Variants in ZNF778 observed in about 807,000 individuals in gnomAD.
ZNF778 encodes zinc finger protein 778.
Under a neutral mutation model 23.9 loss-of-function variants are expected in ZNF778, and 37 were observed. The observed-to-expected ratio is 1.54, with a 90% CI of 1.19 to 2.03. The LOEUF is 2.03. Among genes scored for constraint, ZNF778 ranks in the 30% most tolerant of loss-of-function variants. ZNF778 has a pLI of 0.00. For synonymous variants in ZNF778, 483 were observed against 343.9 expected, an observed-to-expected ratio of 1.40 and a Z score of -4.48; for missense variants, 1,297 against 934.4, an observed-to-expected ratio of 1.39 and a Z score of -5.06.
At chr16:89,222,918 C>T (rs890753375) in intron 3 of ZNF778, among the ~76,000 whole-genome samples, 2 of 148,828 alleles carry the variant, frequency 1.3e-5, no homozygotes, top group South Asian at 4.3e-4. Context: ...ACAGGGTGCG[C>T]GTGACTGGAG....
Position 89,228,467 on chromosome 16 carries a change from C to A in ZNF778, c.2179C>A (p.Gln727Lys). The A allele has an allele frequency of 6.2e-7, 1 of 1,613,682 alleles. No homozygotes were observed. Among genetic ancestry groups the A allele is most frequent in the Non-Finnish European group, 8.5e-7 (1 of 1,179,798 alleles). The change falls in exon 7 of 7, where the codon CAG becomes AAG. Residue 727 changes from glutamine (Q) to lysine (K), a missense_variant. By Grantham distance (53) the Gln-to-Lys change is moderately conservative. Coordinates refer to ENST00000433976, the MANE Select transcript of ZNF778 (RefSeq NM_001201407.2). Reference protein sequence around the residue: ...KEHLKTYTEEQVFVCKDCGKS... With the variant: ...KEHLKTYTEEKVFVCKDCGKS... ...ACATTTAAAAACTTACACTGAAGAG[C>A]AGGTTTTTGTATGTAAGGACTGTGG... is the stretch of plus-strand genomic sequence containing the variant.
Position 89,234,180 on chromosome 16 carries a change from C to T in ZNF778, c.*5618C>T, listed in dbSNP as rs151169800. The T allele has an allele frequency of 5.6e-5, 22 of 395,970 alleles. No homozygotes were observed. The highest frequency in any genetic ancestry group is 1.2e-4 in the African/African-American group (6 of 48,496). The allele number at this position is 395,970 out of a possible 1,614,324, so 24.5% of individuals were successfully genotyped here. On this transcript the variant is annotated 3_prime_UTR_variant, in exon 7 of 7. Coordinates refer to ENST00000433976, the MANE Select transcript of ZNF778 (RefSeq NM_001201407.2). ...TGTCACTCACTCACCTTGACGAGTC[C>T]GCGTCTAGGCCCCACCAGTGGTGTG...
Position 89,221,148 on chromosome 16 carries a change from C to T in ZNF778, c.21C>T (p.Ala7=). The change falls in exon 2 of 7, where the codon GCC becomes GCT. Residue 7 remains alanine (A), a synonymous_variant. Coordinates refer to ENST00000433976, the MANE Select transcript of ZNF778 (RefSeq NM_001201407.2). MAAPDL[A]HGGHVSRDSV... ...CCAGGATGGCAGCCCCTGACCTGGCCCACGGTAAGTCCTGGTGGGGCTCCT... is the reference window on the plus strand; with the variant it reads ...CCAGGATGGCAGCCCCTGACCTGGCTCACGGTAAGTCCTGGTGGGGCTCCT... The T allele has an allele frequency of 1.9e-6, 3 of 1,564,826 alleles. No homozygotes were observed. Among genetic ancestry groups the T allele is most frequent in the Non-Finnish European group, 2.6e-6 (3 of 1,154,334 alleles).
In ZNF778 at chr16:89,222,181, C is replaced by G; in HGVS notation, c.115C>G (p.Gln39Glu). 1.3e-6 allele frequency: 2 copies of G among 1,599,408 alleles called. No individual in the cohort carries two copies. The highest frequency in any genetic ancestry group is 2.2e-5 in the South Asian group (2 of 89,442). Residue 39 changes from glutamine (Q) to glutamate (E), a missense_variant and splice_region_variant, in exon 3 of 7, where the codon CAG becomes GAG. Gln to Glu is a conservative substitution (Grantham distance 29). Transcript: ENST00000433976. ...GGCTGGCTGGCTGATAAATTGTTAC[C>G]AGGTATGCCAAAACTGTATTTTTTC... ...MVAGWLINCY[Q>E]DAVTFDDVAV...
intron 1 of ZNF778, among the ~76,000 whole-genome samples, chr16:89,220,063 G>C (rs1268520417): frequency 6.6e-6 from 1 of 152,192 alleles, no homozygotes; most frequent in Non-Finnish European, 1.5e-5. Flanking sequence ...TGCAGTCTGA[G>C]GGTCAGGTCC....
intron 4 of ZNF778, among the ~76,000 whole-genome samples, chr16:89,223,966 G>A (rs535012428): frequency 1.6e-4 from 24 of 151,992 alleles, no homozygotes; most frequent in African/African-American, 5.8e-4. Flanking sequence ...GCTCAGGGCT[G>A]TAATCCCAGC....
chr16:89,221,176 T>G, intron 2 of ZNF778, 24 bp downstream of exon 2: 2 of 1,545,080 alleles, frequency 1.3e-6, no homozygotes, highest in Non-Finnish European at 1.7e-6. Flanking sequence ...GGGCTCCTTC[T>G]CAGAGCCTCT....
At chr16:89,218,378 G>A (rs1221697550) in intron 1 of ZNF778, 1 of 152,244 alleles carries the variant, frequency 6.6e-6, no homozygotes, top group Non-Finnish European at 1.5e-5. Flanking sequence ...TTATTTGAGT[G>A]TAAGTAAGTT....
In ZNF778 at chr16:89,234,994, T is replaced by C. The variant is rs897467480; in HGVS notation, c.*6432T>C. 1 of 152,196 alleles carries C rather than the reference T, an allele frequency of 6.6e-6. No individual in the cohort carries two copies. Among genetic ancestry groups the C allele is most frequent in the Non-Finnish European group, 1.5e-5 (1 of 68,026 alleles). 9.4% of individuals were successfully genotyped at this position (152,196 alleles called of 1,614,324 possible). A position where few individuals can be genotyped will look rare whatever the true frequency, so the allele number is the denominator to read the frequency against. ...TTCCTTTATCTTCATCAGAAATTTC[T>C]TTTCTCCTAAGGCCTTAAATATGCT... On this transcript the variant is annotated 3_prime_UTR_variant, in exon 7 of 7. Coordinates refer to ENST00000433976, the MANE Select transcript of ZNF778 (RefSeq NM_001201407.2).
intron 1 of ZNF778, among the ~76,000 whole-genome samples, chr16:89,220,164 C>T (rs2151628080): frequency 6.6e-6 from 1 of 152,308 alleles, no homozygotes. Context: ...AAAGTCAACA[C>T]ATTTGTGGGT....
At position 89,230,000 on chromosome 16, in the gene ZNF778, C is replaced by G; in HGVS notation, c.*1438C>G. 1.0e-6 allele frequency: 1 copy of G among 982,248 alleles called. No homozygotes were observed. Among genetic ancestry groups the G allele is most frequent in the Non-Finnish European group, 1.2e-6 (1 of 827,234 alleles). The allele number at this position is 982,248 out of a possible 1,614,324, so 60.8% of individuals were successfully genotyped here. Reference sequence around the variant, plus strand: ...GGATCCAGATGTGATCCTGTGTGAGCAGTGTAGGCTCTGGTTGGTTAGTCT... The same window carrying G: ...GGATCCAGATGTGATCCTGTGTGAGGAGTGTAGGCTCTGGTTGGTTAGTCT... On this transcript the variant is annotated 3_prime_UTR_variant, in exon 7 of 7. Coordinates refer to ENST00000433976, the MANE Select transcript of ZNF778 (RefSeq NM_001201407.2).
At position 89,233,870 on chromosome 16, in the gene ZNF778, C is replaced by G. The variant is rs1342483549; in HGVS notation, c.*5308C>G. The stretch of plus-strand genomic sequence containing the variant: ...CACTTCCTTTTTCTAACTACCACAC[C>G]AAGCCAGTATTTCTCCTCCCTGAAG... On this transcript the variant is annotated 3_prime_UTR_variant, in exon 7 of 7. Transcript: ENST00000433976. The G allele has an allele frequency of 7.8e-7, 1 of 1,289,742 alleles. No individual in the cohort carries two copies. The highest frequency in any genetic ancestry group is 1.5e-5 in the African/African-American group (1 of 65,894). 79.9% of individuals were successfully genotyped at this position (1,289,742 alleles called of 1,614,324 possible). A position where few individuals can be genotyped will look rare whatever the true frequency, so the allele number is the denominator to read the frequency against.
At position 89,227,447 on chromosome 16, in the gene ZNF778, C is replaced by G. The variant is rs770725704; in HGVS notation, c.1159C>G (p.His387Asp). 2 of 1,613,888 alleles carry G rather than the reference C, an allele frequency of 1.2e-6. No homozygotes were observed. The highest frequency in any genetic ancestry group is 2.2e-5 in the South Asian group (2 of 91,074). ...FYLLNEHGKT[H>D]TREKPFACVV... ...TCTACTGAATGAGCATGGAAAAACT[C>G]ACACGAGGGAGAAGCCCTTTGCATG... The change falls in exon 7 of 7, where the codon CAC (histidine) becomes GAC (aspartate). Residue 387 changes from histidine to aspartate, a missense_variant. Coordinates refer to ENST00000433976, the MANE Select transcript of ZNF778 (RefSeq NM_001201407.2).
Position 89,236,309 on chromosome 16 carries a change from T to G in ZNF778, c.*7747T>G, listed in dbSNP as rs2032235243. On this transcript the variant is annotated 3_prime_UTR_variant, in exon 7 of 7. Transcript: ENST00000433976. ...AGAAGAACAATTCAATTGACCGGGT[T>G]TCTCGTCGGAAGCCATAGAGGCCAA... 6.6e-6 allele frequency: 1 copy of G among 152,304 alleles called. No homozygotes were observed. The highest frequency in any genetic ancestry group is 1.9e-4 in the East Asian group (1 of 5,190). 9.4% of individuals were successfully genotyped at this position (152,304 alleles called of 1,614,324 possible). A position where few individuals can be genotyped will look rare whatever the true frequency, so the allele number is the denominator to read the frequency against.
chr16:89,223,770 T>A (rs2031193633), intron 4 of ZNF778, among the ~76,000 whole-genome samples: 2 of 152,214 alleles, frequency 1.3e-5, no homozygotes, highest in Admixed American at 1.3e-4. Context: ...ATGGAGTATT[T>A]GCACTTTGAG....
rs1417776300 is a variant in ZNF778, at chr16:89,235,946, C to CAGG, written c.*7387_*7389dup. 6.8e-6 allele frequency: 1 copy of CAGG among 147,874 alleles called. No homozygotes were observed. Among genetic ancestry groups the CAGG allele is most frequent in the Non-Finnish European group, 1.5e-5 (1 of 67,552 alleles). The allele number at this position is 147,874 out of a possible 1,614,324, so 9.2% of individuals were successfully genotyped here. Reference sequence around the variant, plus strand: ...GGCCGAGGTGGGCGGATCACAAGGTCAGGAGATCATGACCATCCTGGCCAA... The same window carrying CAGG: ...GGCCGAGGTGGGCGGATCACAAGGTCAGGAGGAGATCATGACCATCCTGGCCAA... On this transcript the variant is annotated 3_prime_UTR_variant, in exon 7 of 7. Coordinates refer to ENST00000433976, the MANE Select transcript of ZNF778 (RefSeq NM_001201407.2).
intron 1 of ZNF778, among the ~76,000 whole-genome samples, chr16:89,218,977 C>A (rs896437177): frequency 4.0e-5 from 6 of 151,360 alleles, no homozygotes; most frequent in Admixed American, 2.6e-4. Flanking sequence ...CATGGTGGCG[C>A]ATGCCTGTAA....
At position 89,232,482 on chromosome 16, in the gene ZNF778, A is replaced by G; in HGVS notation, c.*3920A>G. ...CTGGGTTATGGGCAGGACTGCAAGT[A>G]CTGGTTAGGCAGATACCTGTATTTC... On this transcript the variant is annotated 3_prime_UTR_variant, in exon 7 of 7. Coordinates refer to ENST00000433976, the MANE Select transcript of ZNF778 (RefSeq NM_001201407.2). 1 of 457,162 alleles carries G rather than the reference A, an allele frequency of 2.2e-6. No individual in the cohort carries two copies. The highest frequency in any genetic ancestry group is 2.2e-5 in the South Asian group (1 of 45,844). The allele number at this position is 457,162 out of a possible 1,614,324, so 28.3% of individuals were successfully genotyped here.
At position 89,223,044 on chromosome 16, in the gene ZNF778, G is replaced by A; in HGVS notation, c.118-113G>A. On this transcript the variant is annotated intron_variant, in intron 3 of 6. Transcript: ENST00000433976. The stretch of plus-strand genomic sequence containing the variant: ...GTTCCTGGGACCACTGGGCCATGGG[G>A]TAGACAGTAGGAGGCCTCACAGTCC... 4 of 1,304,118 alleles carry A rather than the reference G, an allele frequency of 3.1e-6. No homozygotes were observed. The South Asian group carries it at 6.1e-5, about 20-fold the overall frequency. The allele number at this position is 1,304,118 out of a possible 1,614,324, so 80.8% of individuals were successfully genotyped here.
Sources: allele counts gnomAD v4.1 joint callset (sites outside exome capture counted in the v4.1 genomes callset), GRCh38; gene constraint gnomAD v4.1.1; transcripts MANE v1.5; gene names NCBI Gene and HGNC (gene_info 2026-07-23, HGNC 2026-07-21).